SLC28A1: variants seen among roughly 807,000 people sequenced by gnomAD.
The protein encoded by SLC28A1 is sodium/nucleoside cotransporter 1.
In SLC28A1, 64 loss-of-function variants were observed where a neutral mutation model predicts 74.8. That is an observed-to-expected ratio of 0.86 (90% CI 0.70 to 1.05). The LOEUF is 1.05. Ranked by LOEUF, SLC28A1 falls within the 50% of genes least tolerant of loss-of-function variation. The pLI is 0.00. For synonymous variants in SLC28A1, 359 were observed against 335.0 expected (o/e 1.07, Z -0.78); for missense variants, 828 against 822.8 (o/e 1.01, Z -0.08).
At chr15:84,921,142 A>G (rs1969784606) in intron 11 of SLC28A1, 73 bp downstream of exon 11, 1 of 1,151,288 alleles carries the variant, frequency 8.7e-7, no homozygotes, top group Non-Finnish European at 1.3e-6. Context: ...CTGGATCCCC[A>G]GAGCTCTGAT....
intron 8 of SLC28A1, among the ~76,000 whole-genome samples, chr15:84,907,720 G>C (rs893123649): frequency 2.0e-5 from 3 of 152,242 alleles, no homozygotes; most frequent in African/African-American, 7.2e-5. Flanking sequence ...CAAGGACATA[G>C]GTTAAATATG....
At chr15:84,908,508 C>A (rs1967607559) in intron 8 of SLC28A1, among the ~76,000 whole-genome samples, 1 of 152,002 alleles carries the variant, frequency 6.6e-6, no homozygotes, top group Non-Finnish European at 1.5e-5. Flanking sequence ...TTAAAATTGA[C>A]CAAAAAGGTG....
Position 84,916,658 on chromosome 15 carries a change from C to T in SLC28A1, c.796-1866C>T, listed in dbSNP as rs779755334. ...CCACAGGCATCTCAAATTCAAAGTT[C>T]AAAGCCAAACTGATCTTCCCACAAA... On this transcript the variant is annotated intron_variant, in intron 9 of 18. Transcript: ENST00000394573. Among the ~76,000 whole-genome samples the T allele has an allele frequency of 8.3e-4, 126 of 152,266 alleles. 2 individuals are homozygous for T. Among genetic ancestry groups the T allele is most frequent in the East Asian group, 1.9e-3 (10 of 5,176 alleles).
intron 15 of SLC28A1, among the ~76,000 whole-genome samples, chr15:84,936,118 G>A (rs1334357250): frequency 2.0e-5 from 3 of 151,130 alleles, no homozygotes; most frequent in Non-Finnish European, 1.5e-5. Flanking sequence ...ACCGCGCCCG[G>A]CTAATTTTTT....
At chr15:84,966,971 G>C in the SLC28A1 span, among the ~76,000 whole-genome samples, 1 of 152,000 alleles carries the variant, frequency 6.6e-6, no homozygotes, top group Admixed American at 6.5e-5. Context: ...AAGAGATGGG[G>C]GGTCTTGCTA....
chr15:84,895,694 C>T (rs1467492162), intron 6 of SLC28A1: 4 of 1,392,676 alleles, frequency 2.9e-6, no homozygotes, highest in East Asian at 5.3e-5. Context: ...ACCATTTCAC[C>T]AGGCAGCTCT....
At chr15:84,937,668 G>C (rs1293069322) in intron 15 of SLC28A1, among the ~76,000 whole-genome samples, 1 of 152,134 alleles carries the variant, frequency 6.6e-6, no homozygotes, top group Non-Finnish European at 1.5e-5. Flanking sequence ...TTGGGAGGCT[G>C]AGGTGGGTGG....
chr15:84,912,582 A>G (rs959543005), intron 9 of SLC28A1, among the ~76,000 whole-genome samples: 1 of 151,904 alleles, frequency 6.6e-6, no homozygotes, highest in Non-Finnish European at 1.5e-5. Context: ...CCGCATGATC[A>G]TACTCCCCTG....
At chr15:84,925,508 G>T (rs942235860) in intron 12 of SLC28A1, among the ~76,000 whole-genome samples, 1 of 152,136 alleles carries the variant, frequency 6.6e-6, no homozygotes, top group Non-Finnish European at 1.5e-5. Flanking sequence ...GCTGAAGCAG[G>T]AGAATCACTT....
downstream of SLC28A1, among the ~76,000 whole-genome samples, chr15:84,947,864 A>T (rs1332796542): frequency 6.6e-6 from 1 of 152,242 alleles, no homozygotes; most frequent in African/African-American, 2.4e-5. Flanking sequence ...AGACCATAGC[A>T]AATAGTAGTG....
chr15:84,904,904 C>T (rs1022616907), intron 7 of SLC28A1, among the ~76,000 whole-genome samples: 7 of 152,258 alleles, frequency 4.6e-5, no homozygotes, highest in African/African-American at 1.7e-4. Context: ...GCCTCCATAG[C>T]ATAAGATCCC....
intron 6 of SLC28A1, among the ~76,000 whole-genome samples, chr15:84,903,449 G>T (rs558181164): frequency 3.0e-4 from 45 of 152,358 alleles, no homozygotes; most frequent in African/African-American, 1.0e-3. Flanking sequence ...ACTGTCATTA[G>T]TAGTACCCAG....
In SLC28A1 at chr15:84,910,333, G is replaced by A. The variant is rs117825106; in HGVS notation, c.795+1538G>A. Reference sequence around the variant, plus strand: ...TCCCTTACCTTTGCATAACCAATGCGGGGGTACCCGAAGTTTCAGAAAAGA... The same window carrying A: ...TCCCTTACCTTTGCATAACCAATGCAGGGGTACCCGAAGTTTCAGAAAAGA... On this transcript the variant is annotated intron_variant, in intron 9 of 18. Transcript: ENST00000394573. 4.1e-3 allele frequency among the ~76,000 whole-genome samples: 628 copies of A among 152,300 alleles called. 17 individuals are homozygous for A. In the East Asian group the frequency reaches 0.061, roughly 15 times the overall value.
chr15:84,968,720 A>G, the SLC28A1 span, among the ~76,000 whole-genome samples: 27 of 152,398 alleles, frequency 1.8e-4, no homozygotes, highest in African/African-American at 6.3e-4. Flanking sequence ...ACCAATCTTG[A>G]GAACGATCTG....
In SLC28A1 at chr15:84,929,499, G is replaced by A. The variant is rs182156611; in HGVS notation, c.1084-3646G>A. ...GCAGAGGTTGCAGTGAGCCGAGATC[G>A]CCCCATTGCACTCCAGCCTGAGCAA... On this transcript the variant is annotated intron_variant, in intron 12 of 18. Coordinates refer to ENST00000394573, the MANE Select transcript of SLC28A1 (RefSeq NM_004213.5). 8.2e-3 allele frequency among the ~76,000 whole-genome samples: 1,221 copies of A among 149,584 alleles called. 18 individuals carry two copies. The highest frequency in any genetic ancestry group is 0.029 in the African/African-American group (1,172 of 40,428).
the SLC28A1 span, among the ~76,000 whole-genome samples, chr15:84,969,776 G>A: frequency 6.6e-6 from 1 of 152,194 alleles, no homozygotes; most frequent in Non-Finnish European, 1.5e-5. Context: ...CTTGGGCAAA[G>A]GGGTGTAGTG....
chr15:84,960,497 A>G, the SLC28A1 span, among the ~76,000 whole-genome samples: 2 of 151,818 alleles, frequency 1.3e-5, no homozygotes, highest in Non-Finnish European at 2.9e-5. Flanking sequence ...TACTCAAGCG[A>G]TCCACCTGAC....
chr15:84,900,775 A>G (rs1966589639), intron 6 of SLC28A1, among the ~76,000 whole-genome samples: 1 of 152,042 alleles, frequency 6.6e-6, no homozygotes, highest in African/African-American at 2.4e-5. Context: ...CCTATATGTC[A>G]CTGCACTCCA....
At chr15:84,936,176 C>G (rs998336675) in intron 15 of SLC28A1, among the ~76,000 whole-genome samples, 1 of 151,002 alleles carries the variant, frequency 6.6e-6, no homozygotes, top group African/African-American at 2.4e-5. Flanking sequence ...ATCTCCTGAC[C>G]TCGTGATCTG....
Sources: allele counts gnomAD v4.1 joint callset (sites outside exome capture counted in the v4.1 genomes callset), GRCh38; gene constraint gnomAD v4.1.1; transcripts MANE v1.5; gene names NCBI Gene and HGNC (gene_info 2026-07-23, HGNC 2026-07-21).